The following DPP6 variants were observed in gnomAD, a reference collection of about 807,000 sequenced individuals.
DPP6 encodes the protein dipeptidyl peptidase like 6.
A neutral mutation model predicts 122.6 loss-of-function variants in DPP6; 69 were observed. The ratio of observed to expected loss-of-function variants is 0.56; its 90% CI spans 0.46 to 0.69. DPP6 has a LOEUF of 0.69. Ranked by LOEUF, DPP6 falls within the 30% of genes least tolerant of loss-of-function variation. The pLI is 0.00. For synonymous variants in DPP6, 418 were observed against 433.1 expected, an observed-to-expected ratio of 0.97 and a Z score of 0.43; for missense variants, 928 against 1,116.9, an observed-to-expected ratio of 0.83 and a Z score of 2.41.
intron 8 of DPP6, among the ~76,000 whole-genome samples, chr7:154,751,416 A>G (rs1843375183): frequency 6.6e-6 from 1 of 151,284 alleles, no homozygotes; most frequent in African/African-American, 2.4e-5. Flanking sequence ...CCTGGCCAAC[A>G]TGGCAAAACC....
intron 1 of DPP6, chr7:154,095,902 AC>A (rs1407591007): frequency 7.2e-6 from 1 of 139,328 alleles, no homozygotes; most frequent in African/African-American, 2.7e-5. Flanking sequence ...GGTGTCACTC[AC>A]AGTTCACGCT....
chr7:154,200,512 G>T (rs1799117404), intron 1 of DPP6, among the ~76,000 whole-genome samples: 1 of 152,210 alleles, frequency 6.6e-6, no homozygotes, highest in East Asian at 1.9e-4. Context: ...TGGGGAAAAG[G>T]TTTGAGGGGC....
intron 11 of DPP6, among the ~76,000 whole-genome samples, chr7:154,794,563 G>C (rs1797899933): frequency 6.6e-6 from 1 of 152,212 alleles, no homozygotes; most frequent in South Asian, 2.1e-4. Context: ...GAGGGGCCCT[G>C]CCTTTCCCCA....
chr7:153,984,943 C>G (rs891420537), intron 1 of DPP6, among the ~76,000 whole-genome samples: 35 of 152,280 alleles, frequency 2.3e-4, no homozygotes, highest in African/African-American at 8.2e-4. Context: ...ATTCAGTGCA[C>G]TAGGGATAAA....
intron 1 of DPP6, among the ~76,000 whole-genome samples, chr7:154,439,691 T>G (rs1800401130): frequency 6.6e-6 from 1 of 152,114 alleles, no homozygotes; most frequent in Non-Finnish European, 1.5e-5. Context: ...GCCTGTTTGT[T>G]TTCTAGAAGG....
At chr7:154,733,534 G>C (rs971716253) in intron 8 of DPP6, among the ~76,000 whole-genome samples, 2 of 152,234 alleles carry the variant, frequency 1.3e-5, no homozygotes, top group African/African-American at 4.8e-5. Context: ...AGTGCTCTAA[G>C]AGGTACCAGC....
intron 1 of DPP6, among the ~76,000 whole-genome samples, chr7:154,442,572 G>C (rs184639597): frequency 2.8e-4 from 43 of 152,258 alleles, no homozygotes; most frequent in African/African-American, 9.1e-4. Flanking sequence ...ACTTGCTCCA[G>C]GAACAATAGG....
chr7:154,591,036 C>G (rs1416928802), intron 5 of DPP6, among the ~76,000 whole-genome samples: 1 of 152,130 alleles, frequency 6.6e-6, no homozygotes, highest in African/African-American at 2.4e-5. Flanking sequence ...CAAGCTTAGA[C>G]TAGGGAGCAA....
chr7:154,614,587 A>C (rs1834113173), intron 5 of DPP6, among the ~76,000 whole-genome samples: 1 of 152,172 alleles, frequency 6.6e-6, no homozygotes, highest in South Asian at 2.1e-4. Flanking sequence ...TGTTTCTCTG[A>C]ACTATTTGGT....
At chr7:154,216,457 G>C (rs551930730) in intron 1 of DPP6, among the ~76,000 whole-genome samples, 42 of 152,330 alleles carry the variant, frequency 2.8e-4, no homozygotes, top group African/African-American at 8.9e-4. Context: ...TCCAGGAATA[G>C]AGCTCATGCT....
chr7:154,581,028 G>A (rs10278357), intron 5 of DPP6, among the ~76,000 whole-genome samples: 148,322 of 152,186 alleles, frequency 0.97, 72,341 homozygotes, highest in African/African-American at 0.99. Context: ...TCCGCTCCCA[G>A]ACTGTTTTTT....
At chr7:154,459,805 C>CAAAA (rs775605275) in intron 2 of DPP6, among the ~76,000 whole-genome samples, 41 of 62,956 alleles carry the variant, frequency 6.5e-4, no homozygotes, top group Non-Finnish European at 1.1e-3. Context: ...GATTCCATCT[C>CAAAA]AAAAAAAAAA....
Position 154,875,961 on chromosome 7 carries a change from A to G in DPP6, c.1939A>G (p.Thr647Ala), listed in dbSNP as rs1423328301. 4 of 1,613,466 alleles carry G rather than the reference A, an allele frequency of 2.5e-6. No homozygotes were observed. Among genetic ancestry groups the G allele is most frequent in the Non-Finnish European group, 3.4e-6 (4 of 1,179,744 alleles). ...TGAGAAGTTCGAGGTGAGCTGGGAGACGGTGATGGTGAGCAGCCACGGCGC... is the reference window on the plus strand; with the variant it reads ...TGAGAAGTTCGAGGTGAGCTGGGAGGCGGTGATGGTGAGCAGCCACGGCGC... ...VAEKFEVSWE[T>A]VMVSSHGAVV... Residue 647 changes from threonine to alanine, a missense_variant, in exon 20 of 26, where the codon ACG becomes GCG. Thr to Ala is a moderately conservative substitution (Grantham distance 58, BLOSUM62 0). Transcript: ENST00000377770. This position sits in a 1 kb window ranked among gnomAD's most constrained non-coding sequence, Gnocchi z 4.5.
At chr7:154,120,370 G>C (rs1364953929) in intron 1 of DPP6, among the ~76,000 whole-genome samples, 1 of 151,694 alleles carries the variant, frequency 6.6e-6, no homozygotes, top group Admixed American at 6.6e-5. Flanking sequence ...TCAGCCTCCT[G>C]AGTAGCTGGG....
chr7:154,252,799 A>T (rs1411749869), intron 1 of DPP6, among the ~76,000 whole-genome samples: 1 of 152,250 alleles, frequency 6.6e-6, no homozygotes. Context: ...GGGCAGAGTC[A>T]ACAGCAACTA....
chr7:154,517,360 A>G (rs1014180006), intron 3 of DPP6, among the ~76,000 whole-genome samples: 4 of 152,140 alleles, frequency 2.6e-5, no homozygotes, highest in Admixed American at 2.6e-4. Flanking sequence ...GATCCTACAG[A>G]TGAGCTTCTC....
intron 12 of DPP6, 36 bp downstream of exon 12, chr7:154,795,919 C>T: frequency 6.3e-7 from 1 of 1,598,330 alleles, no homozygotes; most frequent in Non-Finnish European, 8.5e-7. Context: ...ACTGTCACCT[C>T]CACCTGATCC....
At chr7:154,407,988 A>C (rs746757886) in intron 1 of DPP6, among the ~76,000 whole-genome samples, 1 of 152,234 alleles carries the variant, frequency 6.6e-6, no homozygotes. Context: ...TAATGTTGTT[A>C]TCATGAGTTA....
At position 154,023,318 on chromosome 7, in the gene DPP6, GCACACACA is replaced by G. The variant is rs1554436897; in HGVS notation, c.51+135620_51+135627del. On this transcript the variant is annotated intron_variant, in intron 1 of 25. Transcript: ENST00000404039. ...CAGGCTCTGGAAATGTTTCTTGTCT[GCACACACA>G]CACACACACACACACACACACACAC... Among the ~76,000 whole-genome samples the G allele has an allele frequency of 1.9e-3, 250 of 129,610 alleles. 4 individuals are homozygous for G. Among genetic ancestry groups the G allele is most frequent in the East Asian group, 4.3e-3 (18 of 4,216 alleles). 85.0% of individuals were successfully genotyped at this position (129,610 alleles called of 152,430 possible). A position where few individuals can be genotyped will look rare whatever the true frequency, so the allele number is the denominator to read the frequency against.
Sources: allele counts gnomAD v4.1 joint callset (sites outside exome capture counted in the v4.1 genomes callset), GRCh38; gene constraint gnomAD v4.1.1; non-coding constraint Gnocchi (gnomAD v3.1); transcripts MANE v1.5; gene names NCBI Gene and HGNC (gene_info 2026-07-23, HGNC 2026-07-21).